Variants in NAV3 observed in about 807,000 individuals in gnomAD.
The protein encoded by NAV3 is pore membrane and/or filament interacting like protein 1.
In NAV3, 87 loss-of-function variants were observed where a neutral mutation model predicts 244.7. The observed-to-expected ratio is 0.36, with a 90% CI of 0.30 to 0.42. The LOEUF (loss-of-function observed/expected upper bound fraction) is 0.42. NAV3 is among the 20% of genes least tolerant of loss of function. NAV3 has a pLI of 1.00. For synonymous variants in NAV3, 1,126 were observed against 1,042.2 expected (o/e 1.08, Z -1.55); for missense variants, 2,663 against 2,893.3 (o/e 0.92, Z 1.83).
chr12:77,903,024 C>T (rs1016240969), intron 1 of NAV3, among the ~76,000 whole-genome samples: 12 of 152,170 alleles, frequency 7.9e-5, no homozygotes, highest in Admixed American at 7.2e-4. Context: ...ACATTCCATG[C>T]TCATGGGTAG....
chr12:78,161,017 T>G (rs1307727602), intron 23 of NAV3, among the ~76,000 whole-genome samples: 1 of 151,998 alleles, frequency 6.6e-6, no homozygotes, highest in East Asian at 1.9e-4. Context: ...CTATGTAATA[T>G]AAGAACCCAG....
Position 77,607,484 on chromosome 12 carries a change from A to C in NAV3, c.72+35218A>C, listed in dbSNP as rs143862657. Among the ~76,000 whole-genome samples, 79 of 152,192 alleles carry C rather than the reference A, an allele frequency of 5.2e-4. 1 individual carries two copies. The highest frequency in any genetic ancestry group is 1.8e-3 in the African/African-American group (73 of 41,544). On this transcript the variant is annotated intron_variant, in intron 2 of 8. Coordinates refer to the NAV3 transcript ENST00000550042. ...AAATTTTTGCCTAGAGCTATCCCTG[A>C]TGTTTTTGACATCTTTAAAACTTGA... is the stretch of plus-strand genomic sequence containing the variant.
At chr12:77,926,213 C>A (rs1888200820) in intron 1 of NAV3, among the ~76,000 whole-genome samples, 1 of 152,092 alleles carries the variant, frequency 6.6e-6, no homozygotes, top group African/African-American at 2.4e-5. Flanking sequence ...ATCCCTTGGC[C>A]ACTTCTTTCT....
chr12:78,210,437 T>G lies in NAV3; in HGVS notation c.7078T>G (p.Ser2360Ala). Residue 2360 changes from serine (S) to alanine (A), a missense_variant, in exon 40 of 40, where the codon TCG becomes GCG. Around this residue, in one of 6 missense-constraint regions of NAV3, gnomAD observed 543 missense variants for 672.4 expected, o/e 0.81. Coordinates refer to ENST00000397909, the MANE Select transcript of NAV3 (RefSeq NM_001024383.2). ...GAAACTCCAAGAAGCAGCCAATTACTCGAGCACACAAAGCTGCGACAGCGA... is the reference window on the plus strand; with the variant it reads ...GAAACTCCAAGAAGCAGCCAATTACGCGAGCACACAAAGCTGCGACAGCGA... Reference protein sequence around the residue: ...LMKLQEAANYSSTQSCDSEST... With the variant: ...LMKLQEAANYASTQSCDSEST... The G allele has an allele frequency of 6.2e-7, 1 of 1,613,764 alleles. No homozygotes were observed. Among genetic ancestry groups the G allele is most frequent in the Non-Finnish European group, 8.5e-7 (1 of 1,179,864 alleles).
chr12:77,946,448 G>A (rs1593077514), intron 3 of NAV3, among the ~76,000 whole-genome samples: 1 of 151,904 alleles, frequency 6.6e-6, no homozygotes, highest in South Asian at 2.1e-4. Flanking sequence ...AGATATTGTG[G>A]TTCATATTTA....
intron 2 of NAV3, among the ~76,000 whole-genome samples, chr12:77,670,400 T>C (rs527485247): frequency 6.6e-6 from 1 of 152,098 alleles, no homozygotes; most frequent in South Asian, 2.1e-4. Flanking sequence ...TTGACACTAT[T>C]CCACAAGATA....
intron 2 of NAV3, among the ~76,000 whole-genome samples, chr12:77,810,052 CTTT>C (rs1872204724): frequency 6.6e-6 from 1 of 152,144 alleles, no homozygotes; most frequent in South Asian, 2.1e-4. Flanking sequence ...TCAAACTATT[CTTT>C]TGTTTTCAGT....
intron 2 of NAV3, among the ~76,000 whole-genome samples, chr12:77,816,794 C>T (rs1872544781): frequency 6.6e-6 from 1 of 152,116 alleles, no homozygotes; most frequent in Admixed American, 6.6e-5. Flanking sequence ...GCAAAAGTTA[C>T]TTGAAATAAA....
chr12:78,127,031 T>G, intron 16 of NAV3, 136 bp from the exon 17 acceptor site: 1 of 698,652 alleles, frequency 1.4e-6, no homozygotes, highest in Non-Finnish European at 2.3e-6. Flanking sequence ...TTAGTTGGCC[T>G]TTTTCAATGA....
intron 12 of NAV3, among the ~76,000 whole-genome samples, chr12:78,061,483 A>T (rs555910455): frequency 2.0e-5 from 3 of 152,156 alleles, no homozygotes; most frequent in African/African-American, 7.2e-5. Context: ...AGTCATTTTT[A>T]AAAGAATAAT....
intron 9 of NAV3, among the ~76,000 whole-genome samples, chr12:78,034,404 C>T (rs7133405): frequency 0.03 from 4,583 of 152,240 alleles, 200 homozygotes; most frequent in African/African-American, 0.1. Context: ...CAGGACCCTC[C>T]GAGTCCAACT....
intron 30 of NAV3, among the ~76,000 whole-genome samples, chr12:78,182,629 C>T (rs965277495): frequency 7.3e-5 from 11 of 151,594 alleles, no homozygotes; most frequent in Admixed American, 7.3e-4. Flanking sequence ...TTTAAATTTA[C>T]AATTTCTATG....
chr12:78,074,014 G>A (rs148794926), intron 12 of NAV3, among the ~76,000 whole-genome samples: 103 of 152,274 alleles, frequency 6.8e-4, no homozygotes, highest in Middle Eastern at 3.4e-3. Flanking sequence ...TTGAAAAAAT[G>A]TCTTAAATGT....
intron 2 of NAV3, among the ~76,000 whole-genome samples, chr12:77,749,332 G>T (rs1462490447): frequency 2.0e-5 from 3 of 152,108 alleles, no homozygotes; most frequent in Non-Finnish European, 4.4e-5. Context: ...AAACCTAGTA[G>T]GGTTCAGCCC....
chr12:77,818,852 T>C (rs1028806796), intron 2 of NAV3, among the ~76,000 whole-genome samples: 1 of 152,132 alleles, frequency 6.6e-6, no homozygotes, highest in African/African-American at 2.4e-5. Context: ...TGAAAATAAA[T>C]GTATTAATTA....
intron 9 of NAV3, among the ~76,000 whole-genome samples, chr12:78,031,714 AT>A (rs1342300472): frequency 8.2e-6 from 1 of 122,168 alleles, no homozygotes; most frequent in Non-Finnish European, 1.6e-5. Flanking sequence ...GAAGGGGAAT[AT>A]CACACTCTGG....
intron 34 of NAV3, among the ~76,000 whole-genome samples, chr12:78,193,582 G>A (rs1959074419): frequency 6.6e-6 from 1 of 152,072 alleles, no homozygotes; most frequent in South Asian, 2.1e-4. Flanking sequence ...TACCTGACTA[G>A]ATCTGGAAAA....
At chr12:77,668,987 C>G (rs1873841819) in intron 2 of NAV3, among the ~76,000 whole-genome samples, 1 of 152,108 alleles carries the variant, frequency 6.6e-6, no homozygotes, top group South Asian at 2.1e-4. Context: ...GGAATGGGGT[C>G]CTATTTTTAT....
In NAV3 at chr12:78,140,330, C is replaced by T. The variant is rs891423272; in HGVS notation, c.4679C>T (p.Ser1560Phe). ...GTGTCCAGCACTTCTTCTCTTTACT[C>T]TACAGTAAGTAATGGCTGTTAAGAA... ...SLVSSTSSLY[S>F]TAEEKAHSEQ... Residue 1560 changes from serine (S) to phenylalanine (F), a missense_variant, in exon 20 of 40, where the codon TCT (serine) becomes TTT (phenylalanine). This residue lies in a region of NAV3 where 354 missense variants were observed against 413.0 expected (regional missense o/e 0.86). Transcript: ENST00000397909. 9.3e-6 allele frequency: 15 copies of T among 1,612,422 alleles called. No individual in the cohort carries two copies. The highest frequency in any genetic ancestry group is 1.3e-5 in the African/African-American group (1 of 75,014).
Sources: allele counts gnomAD v4.1 joint callset (sites outside exome capture counted in the v4.1 genomes callset), GRCh38; gene constraint gnomAD v4.1.1; regional missense constraint gnomAD v4.1.1; transcripts MANE v1.5; gene names NCBI Gene and HGNC (gene_info 2026-07-23, HGNC 2026-07-21).